Variants in DNAH14 observed in about 807,000 individuals in gnomAD.
DNAH14 encodes dynein axonemal heavy chain 14.
A neutral mutation model predicts 520.9 loss-of-function variants in DNAH14; 478 were observed. The ratio of observed to expected loss-of-function variants is 0.92; its 90% CI spans 0.85 to 0.99. The LOEUF (loss-of-function observed/expected upper bound fraction) is 0.99. Among genes scored for constraint, DNAH14 ranks in the 50% least tolerant of loss-of-function variants. The pLI, the probability that DNAH14 is intolerant of heterozygous loss-of-function variation, is 0.00. For synonymous variants in DNAH14, 1,581 were observed against 1,757.2 expected (o/e 0.90, Z 2.51); for missense variants, 4,831 against 5,234.5 (o/e 0.92, Z 2.38).
intron 23 of DNAH14, among the ~76,000 whole-genome samples, chr1:225,102,637 G>A (rs980198372): frequency 6.6e-5 from 10 of 152,124 alleles, no homozygotes; most frequent in Non-Finnish European, 1.3e-4. Context: ...TTCTCTGATG[G>A]CCAGTGATGA....
intron 23 of DNAH14, among the ~76,000 whole-genome samples, chr1:225,109,645 T>G (rs1296221759): frequency 1.3e-5 from 2 of 152,180 alleles, no homozygotes; most frequent in Non-Finnish European, 2.9e-5. Context: ...TCATATCATC[T>G]GCAAACAAGG....
At position 225,153,802 on chromosome 1, in the gene DNAH14, G is replaced by A; in HGVS notation, c.5249G>A (p.Gly1750Glu). ...CTGAAGATAGTTTTAATAATGGCTG[G>A]AACGAAGAAACGGGAGTTTAAATGG... ...RSLKIVLIMA[G>E]TKKREFKCDT... The change falls in exon 34 of 86, where the codon GGA becomes GAA. Residue 1750 changes from glycine to glutamate, a missense_variant. By Grantham distance (98) the Gly-to-Glu change is moderately conservative. Transcript: ENST00000682510. 6.5e-7 allele frequency: 1 copy of A among 1,549,946 alleles called. No homozygotes were observed. Among genetic ancestry groups the A allele is most frequent in the Non-Finnish European group, 8.7e-7 (1 of 1,145,930 alleles).
intron 36 of DNAH14, among the ~76,000 whole-genome samples, chr1:225,174,596 A>G (rs915885494): frequency 5.9e-5 from 9 of 152,122 alleles, no homozygotes; most frequent in African/African-American, 1.7e-4. Context: ...TACTTTCTGT[A>G]TAGATGATCA....
Position 225,346,040 on chromosome 1 carries a change from T to C in DNAH14, c.10757T>C (p.Ile3586Thr). The C allele has an allele frequency of 1.3e-6, 2 of 1,551,628 alleles. No individual in the cohort carries two copies. Among genetic ancestry groups the C allele is most frequent in the Non-Finnish European group, 1.7e-6 (2 of 1,146,982 alleles). ...ACATCAAACGAAATTTCAAAGCGCA[T>C]CGAAGCAACAAAAAAAGCTGAAAGT... ...KMTSNEISKR[I>T]EATKKAESEI... Residue 3586 changes from isoleucine (I) to threonine (T), a missense_variant, in exon 70 of 86, where the codon ATC becomes ACC. Transcript: ENST00000682510.
In DNAH14 at chr1:225,085,737, C is replaced by G; in HGVS notation, c.3521C>G (p.Ser1174Cys). The G allele has an allele frequency of 6.4e-7, 1 of 1,551,414 alleles. No homozygotes were observed. The highest frequency in any genetic ancestry group is 8.7e-7 in the Non-Finnish European group (1 of 1,146,798). The change falls in exon 21 of 86, where the codon TCT (serine) becomes TGT (cysteine). Residue 1174 changes from serine to cysteine, a missense_variant. By Grantham distance (112) the Ser-to-Cys change is moderately radical. Transcript: ENST00000682510. ...IDDISAQLEE[S>C]QVILATIKGS... ...GACATATCAGCTCAGTTAGAAGAGT[C>G]TCAAGTCATACTTGCAACAATTAAA...
At chr1:225,374,180 T>TATATATATATATATATATATAC (rs2095660902) in intron 77 of DNAH14, among the ~76,000 whole-genome samples, 1 of 92,670 alleles carries the variant, frequency 1.1e-5, no homozygotes, top group Non-Finnish European at 2.2e-5. Context: ...TATATATATA[T>TATATATATATATATATATATAC]ATACTATTCT....
chr1:225,332,250 A>G (rs2094813607), intron 65 of DNAH14, among the ~76,000 whole-genome samples: 1 of 152,208 alleles, frequency 6.6e-6, no homozygotes. Flanking sequence ...TTAAATACAT[A>G]TCATAGAAGG....
At position 224,929,830 on chromosome 1, in the gene DNAH14, C is replaced by T; in HGVS notation, c.-39C>T. 1.4e-6 allele frequency: 1 copy of T among 693,086 alleles called. No individual in the cohort carries two copies. Among genetic ancestry groups the T allele is most frequent in the Non-Finnish European group, 2.6e-6 (1 of 378,214 alleles). 42.9% of individuals were successfully genotyped at this position (693,086 alleles called of 1,614,324 possible). ...CCACAACGGCCGTCGGACCACGGCG[C>T]GGCGGGTAAGGTCGTCAGCGTCTTC... is the stretch of plus-strand genomic sequence containing the variant. On this transcript the variant is annotated 5_prime_UTR_variant, in exon 1 of 86. Coordinates refer to ENST00000682510, the MANE Select transcript of DNAH14 (RefSeq NM_001367479.1).
At chr1:224,952,321 C>T (rs1356993678) in intron 1 of DNAH14, among the ~76,000 whole-genome samples, 1 of 152,108 alleles carries the variant, frequency 6.6e-6, no homozygotes, top group Non-Finnish European at 1.5e-5. Context: ...GATGACTTTC[C>T]TAAGTTCTTT....
intron 60 of DNAH14, among the ~76,000 whole-genome samples, chr1:225,317,827 C>T (rs75084188): frequency 0.041 from 6,272 of 152,256 alleles, 185 homozygotes; most frequent in Middle Eastern, 0.075. Context: ...AACCCACATA[C>T]TTCTGGTGCC....
chr1:225,217,951 C>T (rs1269525185), intron 41 of DNAH14, among the ~76,000 whole-genome samples: 2 of 152,120 alleles, frequency 1.3e-5, no homozygotes, highest in African/African-American at 4.8e-5. Context: ...CAGAAATCAC[C>T]CGTCTTCTGC....
rs2095596824 is a variant in DNAH14 at position 225,369,807 on chromosome 1, TA to T, written c.12318+1777del. On this transcript the variant is annotated intron_variant, in intron 77 of 85. Transcript: ENST00000682510. ...CACGTTATCTGAACACAATTTAATA[TA>T]ATAAAAATTTGACCCCTAAAAATCT... 2.6e-5 allele frequency among the ~76,000 whole-genome samples: 4 copies of T among 152,272 alleles called. No individual in the cohort carries two copies. The South Asian group carries it at 8.3e-4, about 32-fold the overall frequency.
chr1:225,079,735 G>A lies in DNAH14; in HGVS notation c.2766+187G>A, dbSNP rs187316222. 4.9e-3 allele frequency among the ~76,000 whole-genome samples: 720 copies of A among 148,026 alleles called. 6 individuals carry two copies. Among genetic ancestry groups the A allele is most frequent in the African/African-American group, 0.017 (677 of 39,876 alleles). ...GTTGCCCAGGCTGGACTGCAGTGGC[G>A]CAATCTCGGCTCACTGCAAGCTCCG... On this transcript the variant is annotated intron_variant, in intron 18 of 85. Coordinates refer to ENST00000682510, the MANE Select transcript of DNAH14 (RefSeq NM_001367479.1).
At chr1:224,943,280 G>T (rs376742876) in intron 1 of DNAH14, among the ~76,000 whole-genome samples, 2 of 151,776 alleles carry the variant, frequency 1.3e-5, no homozygotes, top group Non-Finnish European at 2.9e-5. Flanking sequence ...GTTTATTTGC[G>T]TAGAGGTGTT....
At chr1:225,335,133 GCATGTGCACATGTGTA>G (rs1238795027) in intron 66 of DNAH14, among the ~76,000 whole-genome samples, 5 of 137,914 alleles carry the variant, frequency 3.6e-5, no homozygotes, top group Non-Finnish European at 4.7e-5. Context: ...GTACATATGT[GCATGTGCACATGTGTA>G]CATGTGTGCA....
At chr1:224,997,239 G>C (rs927459872) in intron 8 of DNAH14, among the ~76,000 whole-genome samples, 2 of 152,076 alleles carry the variant, frequency 1.3e-5, no homozygotes. Flanking sequence ...TATGAAGTGA[G>C]ACTGGAGTGG....
intron 45 of DNAH14, among the ~76,000 whole-genome samples, chr1:225,258,863 T>G (rs2092830155): frequency 6.6e-6 from 1 of 152,216 alleles, no homozygotes; most frequent in South Asian, 2.1e-4. Context: ...AGGATTAGCA[T>G]GAACATTAGA....
rs149528975 is a variant in DNAH14 at position 224,998,943 on chromosome 1, A to C, written c.831-3840A>C. 4.6e-5 allele frequency among the ~76,000 whole-genome samples: 7 copies of C among 151,554 alleles called. No homozygotes were observed. In the East Asian group the frequency reaches 1.4e-3, roughly 29 times the overall value. ...ATTTTGCAGCCCTATTGTTTGGTGCATACCCTTTTAGAATTATTCTGTCTT... is the reference window on the plus strand; with the variant it reads ...ATTTTGCAGCCCTATTGTTTGGTGCCTACCCTTTTAGAATTATTCTGTCTT... On this transcript the variant is annotated intron_variant, in intron 8 of 85. Transcript: ENST00000682510.
intron 80 of DNAH14, 101 bp downstream of exon 80, chr1:225,380,423 G>T: frequency 7.7e-7 from 1 of 1,292,436 alleles, no homozygotes. Context: ...TTCTGTAGAA[G>T]TGAAAATACT....
Sources: allele counts gnomAD v4.1 joint callset (sites outside exome capture counted in the v4.1 genomes callset), GRCh38; gene constraint gnomAD v4.1.1; transcripts MANE v1.5; gene names NCBI Gene and HGNC (gene_info 2026-07-23, HGNC 2026-07-21).